ANO5: variants seen among roughly 807,000 people sequenced by gnomAD.
The protein encoded by ANO5 is anoctamin 5.
A neutral mutation model predicts 121.0 loss-of-function variants in ANO5; 109 were observed. The ratio of observed to expected loss-of-function variants is 0.90; its 90% confidence interval spans 0.77 to 1.06. ANO5 has a LOEUF of 1.06. Ranked by LOEUF, ANO5 falls within the 50% of genes least tolerant of loss-of-function variation. The pLI is 0.00. For synonymous variants in ANO5, 406 were observed against 359.9 expected (o/e 1.13, Z -1.45); for missense variants, 1,064 against 1,078.5 (o/e 0.99, Z 0.19).
At chr11:22,229,700 C>G (rs1852974844) in intron 7 of ANO5, among the ~76,000 whole-genome samples, 1 of 151,920 alleles carries the variant, frequency 6.6e-6, no homozygotes, top group African/African-American at 2.4e-5. Flanking sequence ...AAATTAGGAA[C>G]TTGATCAGGA....
chr11:22,223,074 A>G (rs1268279673), intron 5 of ANO5, among the ~76,000 whole-genome samples: 1 of 151,960 alleles, frequency 6.6e-6, no homozygotes, highest in African/African-American at 2.4e-5. Flanking sequence ...TTCTGTTACC[A>G]TAGACAAACT....
At chr11:22,226,228 G>C (rs762781683) in intron 6 of ANO5, among the ~76,000 whole-genome samples, 176 bp downstream of exon 6, 18 of 152,200 alleles carry the variant, frequency 1.2e-4, no homozygotes, top group Non-Finnish European at 2.4e-4. Flanking sequence ...GATGAGTACT[G>C]TGAATATGCA....
intron 18 of ANO5, 87 bp downstream of exon 18, chr11:22,270,529 G>T: frequency 6.4e-7 from 1 of 1,570,562 alleles, no homozygotes; most frequent in South Asian, 1.1e-5. Context: ...CCTTGCACAT[G>T]GTAGGTGTTC....
chr11:22,274,471 A>T, intron 19 of ANO5, 98 bp from the exon 20 acceptor site: 1 of 1,109,026 alleles, frequency 9.0e-7, no homozygotes, highest in Non-Finnish European at 1.3e-6. Context: ...ATCATTTTGC[A>T]TCTATATAAT....
At chr11:22,210,732 A>T (rs146743405) in intron 2 of ANO5, among the ~76,000 whole-genome samples, 1 of 152,024 alleles carries the variant, frequency 6.6e-6, no homozygotes, top group Non-Finnish European at 1.5e-5. Flanking sequence ...TTATACATGT[A>T]TGGCTTTTTT....
intron 1 of ANO5, among the ~76,000 whole-genome samples, chr11:22,199,330 A>G (rs1386815389): frequency 2.0e-5 from 3 of 152,190 alleles, no homozygotes; most frequent in Non-Finnish European, 4.4e-5. Flanking sequence ...ACATTATGAG[A>G]TAGACATACC....
chr11:22,258,126 T>C (rs1380787118), intron 14 of ANO5, among the ~76,000 whole-genome samples: 4 of 152,160 alleles, frequency 2.6e-5, no homozygotes, highest in Non-Finnish European at 5.9e-5. Flanking sequence ...TTTCCTGCTC[T>C]TCCTTTTTCC....
intron 9 of ANO5, among the ~76,000 whole-genome samples, chr11:22,240,831 G>A (rs1035231994): frequency 6.6e-6 from 1 of 151,516 alleles, no homozygotes; most frequent in Admixed American, 6.6e-5. Flanking sequence ...GAGAGCAATG[G>A]CATCTTTCTC....
intron 2 of ANO5, among the ~76,000 whole-genome samples, chr11:22,209,389 C>A (rs1158617850): frequency 6.6e-6 from 1 of 151,782 alleles, no homozygotes; most frequent in Non-Finnish European, 1.5e-5. Context: ...ACTGTATGGA[C>A]TTTATGGTTT....
intron 16 of ANO5, 63 bp downstream of exon 16, chr11:22,262,361 T>C: frequency 6.4e-7 from 1 of 1,556,652 alleles, no homozygotes; most frequent in Non-Finnish European, 8.8e-7. Context: ...CAACTTTCTG[T>C]GTGTCAAGCA....
At chr11:22,195,605 T>G (rs1490691307) in intron 1 of ANO5, among the ~76,000 whole-genome samples, 1 of 151,808 alleles carries the variant, frequency 6.6e-6, no homozygotes, top group Non-Finnish European at 1.5e-5. Flanking sequence ...CTAATTATTA[T>G]TTTTTTTATG....
At chr11:22,255,835 G>C (rs1456958030) in intron 13 of ANO5, among the ~76,000 whole-genome samples, 4 of 151,942 alleles carry the variant, frequency 2.6e-5, no homozygotes, top group Non-Finnish European at 5.9e-5. Flanking sequence ...ATACTCTTTT[G>C]TGTCACTAAA....
At chr11:22,278,050 A>G (rs1854932203) in intron 21 of ANO5, 1 of 151,654 alleles carries the variant, frequency 6.6e-6, no homozygotes, top group South Asian at 2.1e-4. Context: ...TTTTTAATCA[A>G]CTTTATTTTG....
chr11:22,225,780 C>T (rs529159029), intron 5 of ANO5, among the ~76,000 whole-genome samples: 1 of 151,930 alleles, frequency 6.6e-6, no homozygotes, highest in South Asian at 2.1e-4. Flanking sequence ...GTGATTATTC[C>T]TGGATATACT....
chr11:22,239,757 T>G (rs1313732596), intron 9 of ANO5, 73 bp downstream of exon 9: 2 of 1,192,336 alleles, frequency 1.7e-6, no homozygotes, highest in South Asian at 1.2e-5. Context: ...GCATAATATT[T>G]TTTTTACTAC....
In ANO5 at chr11:22,227,532, C is replaced by T. The variant is rs1403950563; in HGVS notation, c.594C>T (p.Leu198=). The T allele has an allele frequency of 4.3e-6, 7 of 1,613,520 alleles. No homozygotes were observed. The highest frequency in any genetic ancestry group is 5.1e-6 in the Non-Finnish European group (6 of 1,179,732). Residue 198 remains leucine (L), a synonymous_variant, in exon 7 of 22, where the codon CTC becomes CTT. Transcript: ENST00000324559. ...TAQFSRHRQE[L]FLIEDQATFF... is the part of the protein sequence containing the mutation. ...AATTCAGCAGACATCGGCAGGAGCT[C>T]TTCCTCATCGAAGATCAGGCAACCT...
intron 21 of ANO5, 140 bp from the exon 22 acceptor site, chr11:22,279,404 C>A (rs1011195812): frequency 5.8e-6 from 4 of 694,466 alleles, no homozygotes; most frequent in African/African-American, 5.4e-5. Flanking sequence ...AGTTCTAGGA[C>A]AGAGACCATA....
At chr11:22,234,385 T>A (rs1489674681) in intron 7 of ANO5, among the ~76,000 whole-genome samples, 1 of 152,142 alleles carries the variant, frequency 6.6e-6, no homozygotes, top group Non-Finnish European at 1.5e-5. Context: ...TTCATAAGCT[T>A]TTGGTAAAGC....
chr11:22,246,443 C>T (rs530254004), intron 9 of ANO5, among the ~76,000 whole-genome samples: 2 of 152,120 alleles, frequency 1.3e-5, no homozygotes, highest in African/African-American at 4.8e-5. Flanking sequence ...TCATGACTTT[C>T]TCTGTCATGA....
Sources: allele counts gnomAD v4.1 joint callset (sites outside exome capture counted in the v4.1 genomes callset), GRCh38; gene constraint gnomAD v4.1.1; transcripts MANE v1.5; gene names NCBI Gene and HGNC (gene_info 2026-07-23, HGNC 2026-07-21).